XKR4: variants seen among roughly 807,000 people sequenced by gnomAD.
XKR4 encodes the protein XK related 4, also known as XK-related protein 4.
Under a neutral mutation model 53.9 loss-of-function variants are expected in XKR4, and 12 were observed. That is an observed-to-expected ratio of 0.22 (90% confidence interval 0.14 to 0.36). XKR4 has a LOEUF of 0.36. Ranked by LOEUF, XKR4 falls within the 10% of genes least tolerant of loss-of-function variation. The pLI, the probability that XKR4 is intolerant of heterozygous loss-of-function variation, is 1.00. For synonymous variants in XKR4, 354 were observed against 362.4 expected, an observed-to-expected ratio of 0.98 and a Z score of 0.26; for missense variants, 799 against 859.5, an observed-to-expected ratio of 0.93 and a Z score of 0.88.
At position 55,297,754 on chromosome 8, in the gene XKR4, A is replaced by G. The variant is rs533104590; in HGVS notation, c.807-59924A>G. Among the ~76,000 whole-genome samples, 17 of 152,338 alleles carry G rather than the reference A, an allele frequency of 1.1e-4. No individual in the cohort carries two copies. The South Asian group carries it at 3.5e-3, about 32-fold the overall frequency. ...ATACGCCCAAAGGGGGCTCTCTCTA[A>G]AGGTACTTTACTCCCAGATCCTATC... is the stretch of plus-strand genomic sequence containing the variant. On this transcript the variant is annotated intron_variant, in intron 1 of 2. Coordinates refer to ENST00000327381, the MANE Select transcript of XKR4 (RefSeq NM_052898.2).
At chr8:55,477,267 G>A (rs1465154761) in intron 2 of XKR4, among the ~76,000 whole-genome samples, 1 of 152,108 alleles carries the variant, frequency 6.6e-6, no homozygotes, top group Admixed American at 6.5e-5. Flanking sequence ...CTGTTCTGCA[G>A]CCACCACTGC....
chr8:55,446,065 G>A (rs1023921366), intron 2 of XKR4, among the ~76,000 whole-genome samples: 1 of 152,178 alleles, frequency 6.6e-6, no homozygotes, highest in Non-Finnish European at 1.5e-5. Flanking sequence ...CCAACCTGTA[G>A]CCTGTGTGCT....
At chr8:55,389,189 GA>G (rs1804401387) in intron 2 of XKR4, among the ~76,000 whole-genome samples, 1 of 152,194 alleles carries the variant, frequency 6.6e-6, no homozygotes, top group Admixed American at 6.5e-5. Flanking sequence ...CACTTCCAAA[GA>G]GTGCGTGGCC....
rs117099277 is a variant in XKR4 at position 55,221,337 on chromosome 8, G to A, written c.806+118043G>A. Among the ~76,000 whole-genome samples the A allele has an allele frequency of 2.5e-3, 383 of 152,300 alleles. 3 individuals are homozygous for A. Among genetic ancestry groups the A allele is most frequent in the Non-Finnish European group, 4.4e-3 (300 of 68,028 alleles). ...GTGTGGTAAAATAGAAAAGGATAAAGCAACAATAATGACAGTCTTTGTCGC... is the reference window on the plus strand; with the variant it reads ...GTGTGGTAAAATAGAAAAGGATAAAACAACAATAATGACAGTCTTTGTCGC... On this transcript the variant is annotated intron_variant, in intron 1 of 2. Coordinates refer to ENST00000327381, the MANE Select transcript of XKR4 (RefSeq NM_052898.2).
At chr8:55,264,091 G>A (rs373076608) in intron 1 of XKR4, among the ~76,000 whole-genome samples, 26 of 152,178 alleles carry the variant, frequency 1.7e-4, no homozygotes, top group African/African-American at 5.8e-4. Context: ...TGCTATGCTG[G>A]CCTCCTTCCA....
At chr8:55,483,256 C>T (rs118127267) in intron 2 of XKR4, among the ~76,000 whole-genome samples, 3,341 of 152,224 alleles carry the variant, frequency 0.022, 60 homozygotes, top group Non-Finnish European at 0.035. Flanking sequence ...CAAACTTTTT[C>T]TAAACTAAGA....
At chr8:55,489,118 G>A (rs554786984) in intron 2 of XKR4, among the ~76,000 whole-genome samples, 2 of 152,242 alleles carry the variant, frequency 1.3e-5, no homozygotes, top group South Asian at 4.1e-4. Flanking sequence ...AACACGAAGA[G>A]TAAACCCTAA....
In XKR4 at chr8:55,202,919, C is replaced by T. The variant is rs180964394; in HGVS notation, c.806+99625C>T. Among the ~76,000 whole-genome samples the T allele has an allele frequency of 1.1e-4, 17 of 152,288 alleles. 1 individual carries two copies. The highest frequency in any genetic ancestry group is 2.2e-4 in the Non-Finnish European group (15 of 68,036). On this transcript the variant is annotated intron_variant, in intron 1 of 2. Coordinates refer to ENST00000327381, the MANE Select transcript of XKR4 (RefSeq NM_052898.2). ...AGCCCTGCTGGCTCGTACACCCTGACCTTTAGGGAGAGCCTGTGGATCCAG... is the reference window on the plus strand; with the variant it reads ...AGCCCTGCTGGCTCGTACACCCTGATCTTTAGGGAGAGCCTGTGGATCCAG...
At chr8:55,300,262 G>A (rs1306142622) in intron 1 of XKR4, among the ~76,000 whole-genome samples, 1 of 152,190 alleles carries the variant, frequency 6.6e-6, no homozygotes, top group Non-Finnish European at 1.5e-5. Context: ...AGATGAGCCT[G>A]AAAGATGAGT....
At chr8:55,322,015 A>C (rs1378937648) in intron 1 of XKR4, among the ~76,000 whole-genome samples, 1 of 150,570 alleles carries the variant, frequency 6.6e-6, no homozygotes, top group Non-Finnish European at 1.5e-5. Flanking sequence ...ACAAACAAAA[A>C]ATAACTTATC....
At chr8:55,387,170 AC>A (rs1563338185) in intron 2 of XKR4, among the ~76,000 whole-genome samples, 1 of 152,178 alleles carries the variant, frequency 6.6e-6, no homozygotes, top group Non-Finnish European at 1.5e-5. Flanking sequence ...TGCATAAAGT[AC>A]CCTATGGTCT....
At chr8:55,456,529 G>T (rs1227548240) in intron 2 of XKR4, among the ~76,000 whole-genome samples, 1 of 152,116 alleles carries the variant, frequency 6.6e-6, no homozygotes, top group African/African-American at 2.4e-5. Flanking sequence ...TTAATGAAAC[G>T]CATGATGTCT....
chr8:55,360,030 C>T (rs986953415), intron 2 of XKR4, among the ~76,000 whole-genome samples: 3 of 152,052 alleles, frequency 2.0e-5, no homozygotes, highest in Non-Finnish European at 2.9e-5. Context: ...TTCAGAATGG[C>T]GTAGGGAAAC....
intron 2 of XKR4, among the ~76,000 whole-genome samples, chr8:55,458,469 AG>A (rs988557927): frequency 3.9e-5 from 6 of 152,352 alleles, no homozygotes; most frequent in African/African-American, 1.4e-4. Flanking sequence ...GGATGGCTTA[AG>A]TATTAGACAG....
At chr8:55,275,360 A>G (rs1818749749) in intron 1 of XKR4, among the ~76,000 whole-genome samples, 1 of 152,224 alleles carries the variant, frequency 6.6e-6, no homozygotes, top group Admixed American at 6.5e-5. Context: ...AGTTGAAACA[A>G]AAGGGAATAC....
At position 55,540,444 on chromosome 8, in the gene XKR4, C is replaced by T. The variant is rs982848123; in HGVS notation, c.*16217C>T. The stretch of plus-strand genomic sequence containing the variant: ...AAAAAATGCATCATTTGGTCAATTG[C>T]TTATTGAAGATCCCAGCTGAAGCCT... On this transcript the variant is annotated 3_prime_UTR_variant, in exon 3 of 3. Transcript: ENST00000327381. The T allele has an allele frequency of 1.3e-5, 2 of 152,084 alleles. No individual in the cohort carries two copies. The highest frequency in any genetic ancestry group is 1.3e-4 in the Admixed American group (2 of 15,274). 9.4% of individuals were successfully genotyped at this position (152,084 alleles called of 1,614,324 possible). A position where few individuals can be genotyped will look rare whatever the true frequency, so the allele number is the denominator to read the frequency against.
intron 1 of XKR4, among the ~76,000 whole-genome samples, chr8:55,347,693 G>A (rs1324840548): frequency 6.6e-6 from 1 of 152,124 alleles, no homozygotes; most frequent in Admixed American, 6.6e-5. Context: ...GGCTTTTATC[G>A]GGAACATCTC....
intron 1 of XKR4, among the ~76,000 whole-genome samples, chr8:55,222,563 A>G (rs1381759456): frequency 6.6e-6 from 1 of 152,248 alleles, no homozygotes; most frequent in Non-Finnish European, 1.5e-5. Context: ...TTCCCTTCAT[A>G]ACATTAACAG....
At chr8:55,483,718 T>A (rs10095645) in intron 2 of XKR4, among the ~76,000 whole-genome samples, 52,206 of 150,874 alleles carry the variant, frequency 0.35, 10,938 homozygotes, top group African/African-American at 0.6. Flanking sequence ...GCTGAGAGGG[T>A]AATACTAAAT....
Sources: gnomAD v4.1 joint callset for allele counts (sites outside exome capture counted in the v4.1 genomes callset) on GRCh38, gnomAD v4.1.1 for gene constraint, MANE v1.5 for transcripts, NCBI Gene and HGNC (gene_info 2026-07-23, HGNC 2026-07-21) for gene names.